Variants in SGCZ observed in about 807,000 individuals in gnomAD.
SGCZ encodes zeta-sarcoglycan.
A neutral mutation model predicts 41.3 loss-of-function variants in SGCZ; 40 were observed. The ratio of observed to expected loss-of-function variants is 0.97; its 90% confidence interval spans 0.75 to 1.26. The LOEUF (loss-of-function observed/expected upper bound fraction) is 1.26. SGCZ is among the 50% of genes most tolerant of loss of function. The pLI is 0.00. For missense variants in SGCZ, 552 were observed against 369.8 expected, an observed-to-expected ratio of 1.49 and a Z score of -4.04; for synonymous variants, 206 against 137.5, an observed-to-expected ratio of 1.50 and a Z score of -3.49.
At chr8:14,780,651 T>C (rs1456405932) in intron 1 of SGCZ, among the ~76,000 whole-genome samples, 3 of 152,096 alleles carry the variant, frequency 2.0e-5, no homozygotes, top group East Asian at 3.9e-4. Flanking sequence ...AGGGAGCTGA[T>C]CATAAAACCT....
intron 1 of SGCZ, among the ~76,000 whole-genome samples, chr8:15,150,433 A>T (rs984715818): frequency 1.3e-5 from 2 of 152,344 alleles, no homozygotes; most frequent in Non-Finnish European, 2.9e-5. Context: ...CTGGGGCCAT[A>T]GACCCTGCTG....
intron 1 of SGCZ, among the ~76,000 whole-genome samples, chr8:14,557,302 G>C (rs890994040): frequency 6.7e-6 from 1 of 149,510 alleles, no homozygotes; most frequent in Non-Finnish European, 1.5e-5. Context: ...TACTTTGTTT[G>C]AGTTCCTAGT....
chr8:14,323,497 C>A (rs1407493600), intron 3 of SGCZ, among the ~76,000 whole-genome samples: 1 of 151,938 alleles, frequency 6.6e-6, no homozygotes, highest in African/African-American at 2.4e-5. Context: ...TATTTACTGC[C>A]TTCTGAGAGG....
At chr8:14,267,226 T>C (rs1799903241) in intron 3 of SGCZ, among the ~76,000 whole-genome samples, 2 of 152,006 alleles carry the variant, frequency 1.3e-5, no homozygotes, top group Non-Finnish European at 2.9e-5. Flanking sequence ...GGTATGTATA[T>C]CCATCAAGTG....
chr8:15,091,026 T>A (rs1329133509), intron 1 of SGCZ, among the ~76,000 whole-genome samples: 1 of 152,180 alleles, frequency 6.6e-6, no homozygotes, highest in Non-Finnish European at 1.5e-5. Context: ...GTTACATATT[T>A]AGAATGAAAA....
intron 1 of SGCZ, among the ~76,000 whole-genome samples, chr8:14,738,787 CG>C (rs201650401): frequency 0.015 from 2,349 of 152,098 alleles, 57 homozygotes; most frequent in African/African-American, 0.053. Flanking sequence ...CTAACTATGC[CG>C]TTGATATTGT....
chr8:14,472,170 C>A (rs1329702083), intron 2 of SGCZ, among the ~76,000 whole-genome samples: 1 of 151,860 alleles, frequency 6.6e-6, no homozygotes, highest in African/African-American at 2.4e-5. Flanking sequence ...TAGAAGTGAC[C>A]TTTAGTTGGT....
At chr8:14,927,932 T>C (rs1159963571) in intron 1 of SGCZ, among the ~76,000 whole-genome samples, 1 of 152,114 alleles carries the variant, frequency 6.6e-6, no homozygotes, top group East Asian at 1.9e-4. Flanking sequence ...ATTTGATGAT[T>C]TTTCAACATC....
intron 3 of SGCZ, among the ~76,000 whole-genome samples, chr8:14,263,617 C>T (rs570541033): frequency 1.4e-4 from 21 of 152,100 alleles, no homozygotes; most frequent in Non-Finnish European, 2.6e-4. Flanking sequence ...AAAGAAGAGG[C>T]AGAGCAAAAT....
chr8:14,399,217 T>A (rs950461271), intron 2 of SGCZ, among the ~76,000 whole-genome samples: 2 of 152,160 alleles, frequency 1.3e-5, no homozygotes, highest in African/African-American at 2.4e-5. Context: ...CAGGGTTCCT[T>A]GGAGTCCTTT....
At chr8:15,007,295 A>G (rs1802640168) in intron 1 of SGCZ, among the ~76,000 whole-genome samples, 1 of 152,242 alleles carries the variant, frequency 6.6e-6, no homozygotes, top group Non-Finnish European at 1.5e-5. Flanking sequence ...TTACAAAAAG[A>G]TTGCACAAAA....
chr8:14,539,411 T>C (rs1417247500), intron 2 of SGCZ, among the ~76,000 whole-genome samples: 4 of 151,860 alleles, frequency 2.6e-5, no homozygotes, highest in African/African-American at 7.3e-5. Flanking sequence ...AACTCAGGGG[T>C]CAGGGAAGGC....
rs73533319 is a variant in SGCZ, at chr8:14,321,127, A to G, written c.336+2976T>C. On this transcript the variant is annotated intron_variant, in intron 3 of 7. Coordinates refer to ENST00000382080, the MANE Select transcript of SGCZ (RefSeq NM_139167.4). The stretch of plus-strand genomic sequence containing the variant: ...CCATTTATATAAACTAGCCCAGATT[A>G]CACATCTTTTGTATTGTTCTTGTCT... 2.4e-3 allele frequency among the ~76,000 whole-genome samples: 359 copies of G among 152,214 alleles called. 2 individuals are homozygous for G. The highest frequency in any genetic ancestry group is 8.2e-3 in the African/African-American group (341 of 41,558).
intron 2 of SGCZ, among the ~76,000 whole-genome samples, chr8:14,551,464 T>TTATATATAA (rs1803812936): frequency 8.1e-4 from 6 of 7,384 alleles, no homozygotes; most frequent in Admixed American, 2.6e-3. Context: ...ATTATATATA[T>TTATATATAA]TATATATATT....
intron 2 of SGCZ, among the ~76,000 whole-genome samples, chr8:14,417,507 A>G (rs984906433): frequency 6.6e-6 from 1 of 151,916 alleles, no homozygotes; most frequent in Non-Finnish European, 1.5e-5. Flanking sequence ...CTGGAAATAA[A>G]TACATAGTAT....
intron 1 of SGCZ, among the ~76,000 whole-genome samples, chr8:15,038,449 A>G (rs1165401789): frequency 6.6e-6 from 1 of 152,102 alleles, no homozygotes; most frequent in Non-Finnish European, 1.5e-5. Flanking sequence ...ATATACAAAA[A>G]TAACATCAAA....
At chr8:14,454,261 G>A (rs1800680036) in intron 2 of SGCZ, among the ~76,000 whole-genome samples, 1 of 152,146 alleles carries the variant, frequency 6.6e-6, no homozygotes, top group Non-Finnish European at 1.5e-5. Flanking sequence ...GGGTAGTGGA[G>A]CATTTAAAAG....
At chr8:14,968,588 A>G (rs1015989140) in intron 1 of SGCZ, among the ~76,000 whole-genome samples, 10 of 152,148 alleles carry the variant, frequency 6.6e-5, no homozygotes, top group African/African-American at 2.4e-4. Flanking sequence ...CAAGGGACTC[A>G]GTACTGTAGA....
intron 1 of SGCZ, among the ~76,000 whole-genome samples, chr8:14,759,967 AT>A (rs1799810211): frequency 6.6e-6 from 1 of 152,188 alleles, no homozygotes; most frequent in Non-Finnish European, 1.5e-5. Flanking sequence ...AATTGTAAAG[AT>A]TTTTCTAAGG....
Sources: gnomAD v4.1 joint callset for allele counts (sites outside exome capture counted in the v4.1 genomes callset) on GRCh38, gnomAD v4.1.1 for gene constraint, MANE v1.5 for transcripts, NCBI Gene and HGNC (gene_info 2026-07-23, HGNC 2026-07-21) for gene names.